The following C12orf54 variants were observed in gnomAD, a reference collection of about 807,000 sequenced individuals.
The protein encoded by C12orf54 is uncharacterized protein C12orf54.
Under a neutral mutation model 26.4 loss-of-function variants are expected in C12orf54, and 24 were observed. The ratio of observed to expected loss-of-function variants is 0.91; its 90% CI spans 0.66 to 1.28. The LOEUF (loss-of-function observed/expected upper bound fraction) is 1.28. Ranked by LOEUF, C12orf54 falls within the 50% of genes most tolerant of loss-of-function variation. The pLI is 0.00. For missense variants in C12orf54, 154 were observed against 150.9 expected, an observed-to-expected ratio of 1.02 and a Z score of -0.11; for synonymous variants, 54 against 47.0, an observed-to-expected ratio of 1.15 and a Z score of -0.61.
the C12orf54 span, among the ~76,000 whole-genome samples, chr12:48,437,846 A>G: frequency 3.9e-5 from 6 of 152,146 alleles, no homozygotes; most frequent in African/African-American, 1.4e-4. Context: ...CTGGCACAAG[A>G]CAGGGATGCC....
chr12:48,446,087 G>T, the C12orf54 span, among the ~76,000 whole-genome samples: 16 of 152,162 alleles, frequency 1.1e-4, no homozygotes, highest in Non-Finnish European at 1.8e-4. Flanking sequence ...CCATACTTCT[G>T]TCTTTTCCTG....
At chr12:48,417,565 C>CA in the C12orf54 span, among the ~76,000 whole-genome samples, 1 of 152,090 alleles carries the variant, frequency 6.6e-6, no homozygotes, top group Non-Finnish European at 1.5e-5. Flanking sequence ...TTAGGTCTTT[C>CA]AAAAAATTTT....
chr12:48,483,799 G>A (rs954621161), intron 2 of C12orf54, among the ~76,000 whole-genome samples: 4 of 152,202 alleles, frequency 2.6e-5, no homozygotes, highest in African/African-American at 9.6e-5. Context: ...CAGAAAAGAA[G>A]GAGGGTTTAC....
chr12:48,427,288 G>A, the C12orf54 span, among the ~76,000 whole-genome samples: 28 of 152,226 alleles, frequency 1.8e-4, no homozygotes, highest in African/African-American at 6.7e-4. Flanking sequence ...TTAACATGAA[G>A]AAATTCTGAT....
chr12:48,486,481 G>A (rs1298591140), intron 3 of C12orf54: 1 of 635,578 alleles, frequency 1.6e-6, no homozygotes, highest in Non-Finnish European at 2.8e-6. Flanking sequence ...TCATGCACCA[G>A]CTAGATCCAG....
At chr12:48,431,451 A>G in the C12orf54 span, among the ~76,000 whole-genome samples, 1 of 152,182 alleles carries the variant, frequency 6.6e-6, no homozygotes, top group East Asian at 1.9e-4. Context: ...GTCAATATTT[A>G]AAAATTATAA....
the C12orf54 span, among the ~76,000 whole-genome samples, chr12:48,474,318 T>C: frequency 6.6e-6 from 1 of 151,046 alleles, no homozygotes; most frequent in African/African-American, 2.5e-5. Context: ...GCATGAGCGA[T>C]ACAGAAGACA....
At chr12:48,414,806 G>A in the C12orf54 span, among the ~76,000 whole-genome samples, 1 of 152,132 alleles carries the variant, frequency 6.6e-6, no homozygotes, top group Non-Finnish European at 1.5e-5. Flanking sequence ...AGGCACTGAA[G>A]GCTTGCTAAC....
chr12:48,461,356 A>G, the C12orf54 span, among the ~76,000 whole-genome samples: 5 of 151,936 alleles, frequency 3.3e-5, no homozygotes, highest in African/African-American at 4.8e-5. Flanking sequence ...AAGTGAATAG[A>G]AGATTTGAAA....
chr12:48,427,386 A>G, the C12orf54 span, among the ~76,000 whole-genome samples: 1,193 of 152,190 alleles, frequency 7.8e-3, 8 homozygotes, highest in Admixed American at 0.012. Flanking sequence ...ACATTTATTG[A>G]TTTGCATATA....
At chr12:48,445,014 T>C in the C12orf54 span, among the ~76,000 whole-genome samples, 2 of 151,770 alleles carry the variant, frequency 1.3e-5, no homozygotes, top group African/African-American at 4.8e-5. Context: ...CTACTAAAAA[T>C]ACAAAAATTA....
At chr12:48,482,929 TTC>T (rs1256055301) in intron 1 of C12orf54, among the ~76,000 whole-genome samples, 2 of 146,636 alleles carry the variant, frequency 1.4e-5, no homozygotes, top group African/African-American at 4.9e-5. Flanking sequence ...TTCACTTAGA[TTC>T]TCTCTTTTTT....
chr12:48,466,026 G>C, the C12orf54 span, among the ~76,000 whole-genome samples: 1 of 152,212 alleles, frequency 6.6e-6, no homozygotes, highest in East Asian at 1.9e-4. Flanking sequence ...TGGCGACCTT[G>C]GGATAGGCAA....
the C12orf54 span, among the ~76,000 whole-genome samples, chr12:48,418,578 G>A: frequency 2.0e-5 from 3 of 152,270 alleles, no homozygotes; most frequent in Admixed American, 1.3e-4. Flanking sequence ...CAGACACAAG[G>A]ATCAGCATTC....
chr12:48,466,655 T>A, the C12orf54 span, among the ~76,000 whole-genome samples: 1 of 152,110 alleles, frequency 6.6e-6, no homozygotes, highest in Admixed American at 6.6e-5. Context: ...TATTAGGATA[T>A]TTAAAATTAG....
the C12orf54 span, chr12:48,442,825 C>A: frequency 2.0e-4 from 32 of 156,558 alleles, no homozygotes; most frequent in African/African-American, 7.2e-4. Flanking sequence ...CCAGCAGCAG[C>A]AGGTTTCCCA....
chr12:48,435,445 A>T, the C12orf54 span, among the ~76,000 whole-genome samples: 6 of 152,330 alleles, frequency 3.9e-5, no homozygotes, highest in South Asian at 2.1e-4. Flanking sequence ...GAGCAACTCC[A>T]AGACATATAA....
the C12orf54 span, among the ~76,000 whole-genome samples, chr12:48,445,337 G>A: frequency 7.2e-5 from 11 of 151,868 alleles, no homozygotes; most frequent in South Asian, 2.1e-3. Context: ...ATATAGTAAA[G>A]GTAATAGAGA....
At chr12:48,435,095 C>A in the C12orf54 span, among the ~76,000 whole-genome samples, 4 of 152,038 alleles carry the variant, frequency 2.6e-5, no homozygotes, top group Non-Finnish European at 5.9e-5. Context: ...AACTATGGCA[C>A]GAGAACTACC....
Sources: allele counts gnomAD v4.1 joint callset (sites outside exome capture counted in the v4.1 genomes callset), GRCh38; gene constraint gnomAD v4.1.1; transcripts MANE v1.5; gene names NCBI Gene and HGNC (gene_info 2026-07-23, HGNC 2026-07-21).